The following DBT variants were observed in gnomAD, a reference collection of about 807,000 sequenced individuals.
The protein encoded by DBT is dihydrolipoamide branched chain transacylase E2, also known as lipoamide acyltransferase component of branched-chain alpha-keto acid dehydrogenase complex, mitochondrial.
A neutral mutation model predicts 51.3 loss-of-function variants in DBT; 40 were observed. The ratio of observed to expected loss-of-function variants is 0.78; its 90% confidence interval spans 0.61 to 1.02. The LOEUF is 1.02. Among genes scored for constraint, DBT ranks in the 50% least tolerant of loss-of-function variants. The pLI is 0.00. For missense variants in DBT, 510 were observed against 580.2 expected, an observed-to-expected ratio of 0.88 and a Z score of 1.24; for synonymous variants, 181 against 190.4, an observed-to-expected ratio of 0.95 and a Z score of 0.41.
At chr1:100,230,706 T>C (rs748871032) in intron 4 of DBT, 27 bp downstream of exon 4, 6 of 1,496,414 alleles carry the variant, frequency 4.0e-6, no homozygotes, top group Non-Finnish European at 5.5e-6. Context: ...ATCAATTTGG[T>C]AAAATAGATT....
chr1:100,241,679 G>A (rs949731496), intron 1 of DBT, among the ~76,000 whole-genome samples: 7 of 152,094 alleles, frequency 4.6e-5, no homozygotes, highest in Non-Finnish European at 1.0e-4. Context: ...TTACAGGTGC[G>A]AGCCACCATG....
intron 4 of DBT, among the ~76,000 whole-genome samples, chr1:100,229,190 T>C: frequency 6.6e-6 from 1 of 150,844 alleles, no homozygotes; most frequent in African/African-American, 2.4e-5. Flanking sequence ...TTTTAAGAGA[T>C]GGAGTCTTGC....
chr1:100,192,745 C>T lies in DBT; in HGVS notation c.*3510G>A, dbSNP rs1660868101. 6.6e-6 allele frequency: 1 copy of T among 152,198 alleles called. No homozygotes were observed. Among genetic ancestry groups the T allele is most frequent in the Non-Finnish European group, 1.5e-5 (1 of 68,046 alleles). The allele number at this position is 152,198 out of a possible 1,614,324, so 9.4% of individuals were successfully genotyped here. A position where few individuals can be genotyped will look rare whatever the true frequency, so the allele number is the denominator to read the frequency against. On this transcript the variant is annotated 3_prime_UTR_variant, in exon 11 of 11. Coordinates refer to ENST00000370132, the MANE Select transcript of DBT (RefSeq NM_001918.5). ...ATTTTAGCTTCCATCCTCAGACTTC[C>T]TTTCCTGTTGTACTTCCTTTTCAAA...
In DBT at chr1:100,249,195, G is replaced by A. The variant is rs969111409; in HGVS notation, c.51+575C>T. The stretch of plus-strand genomic sequence containing the variant: ...GGTGCTAAGACTGGGAGAAAGAGAA[G>A]GAAGTGCAGGGGAGATGGTGATGGG... On this transcript the variant is annotated intron_variant, in intron 1 of 10. Transcript: ENST00000370132. 8.6e-6 allele frequency: 5 copies of A among 584,722 alleles called. No homozygotes were observed. In the African/African-American group the frequency reaches 1.0e-4, roughly 12 times the overall value. 36.2% of individuals were successfully genotyped at this position (584,722 alleles called of 1,614,324 possible).
chr1:100,199,290 C>T (rs1037739206), intron 10 of DBT, among the ~76,000 whole-genome samples: 4 of 152,130 alleles, frequency 2.6e-5, no homozygotes, highest in Non-Finnish European at 5.9e-5. Flanking sequence ...GTAAAGAAAT[C>T]TGCGCTTTTA....
chr1:100,242,780 T>C (rs1003764519), intron 1 of DBT, among the ~76,000 whole-genome samples: 1 of 152,158 alleles, frequency 6.6e-6, no homozygotes, highest in Non-Finnish European at 1.5e-5. Flanking sequence ...TAAAGGAAAG[T>C]TTTGAAGTAT....
chr1:100,247,697 CAAA>C (rs59843533), intron 1 of DBT, among the ~76,000 whole-genome samples: 3 of 107,878 alleles, frequency 2.8e-5, no homozygotes, highest in African/African-American at 6.8e-5. Context: ...AGACTCTTCT[CAAA>C]AAAAAAAAAA....
intron 4 of DBT, among the ~76,000 whole-genome samples, chr1:100,224,751 T>C (rs917696841): frequency 6.6e-6 from 1 of 151,980 alleles, no homozygotes; most frequent in Admixed American, 6.6e-5. Flanking sequence ...GCATGGTAGC[T>C]CACGCCTGTA....
Position 100,223,835 on chromosome 1 carries a change from A to AAAT in DBT, c.434-5089_434-5088insATT, listed in dbSNP as rs1324773965. ...GCTTTGATATAATGGTGATAATGTTAAGTAAAAAAAAAAATTAAGTAACTG... is the reference window on the plus strand; with the variant it reads ...GCTTTGATATAATGGTGATAATGTTAAATAGTAAAAAAAAAAATTAAGTAACTG... On this transcript the variant is annotated intron_variant, in intron 4 of 10. Transcript: ENST00000370132. Among the ~76,000 whole-genome samples, 5 of 152,156 alleles carry AAAT rather than the reference A, an allele frequency of 3.3e-5. No homozygotes were observed. The South Asian group carries it at 8.3e-4, about 25-fold the overall frequency.
At chr1:100,238,814 G>C (rs1664051287) in intron 2 of DBT, among the ~76,000 whole-genome samples, 1 of 152,166 alleles carries the variant, frequency 6.6e-6, no homozygotes, top group African/African-American at 2.4e-5. Flanking sequence ...GTTGGTGAGA[G>C]ATGTGAGCTA....
intron 8 of DBT, 101 bp downstream of exon 8, chr1:100,210,593 A>G: frequency 6.6e-7 from 1 of 1,526,670 alleles, no homozygotes; most frequent in Non-Finnish European, 8.9e-7. Flanking sequence ...TCTAGTCTAA[A>G]AAAGATCACT....
intron 10 of DBT, among the ~76,000 whole-genome samples, chr1:100,198,915 C>A (rs1387319195): frequency 3.3e-5 from 5 of 152,084 alleles, no homozygotes; most frequent in Admixed American, 1.3e-4. Flanking sequence ...AACATGGAAG[C>A]ATTATAAGTG....
chr1:100,215,051 T>TTA, intron 6 of DBT, 68 bp from the exon 7 acceptor site: 3 of 1,129,642 alleles, frequency 2.7e-6, no homozygotes, highest in East Asian at 2.6e-5. Context: ...TTTTTTTTTT[T>TTA]AAAGAAACTA....
Position 100,214,816 on chromosome 1 carries a change from C to T in DBT, c.939+1G>A. 2 of 1,613,858 alleles carry T rather than the reference C, an allele frequency of 1.2e-6. No homozygotes were observed. The highest frequency in any genetic ancestry group is 1.6e-4 in the Middle Eastern group (1 of 6,062). ...CCTTGTTTGAAATGAATGAATCTCA[C>T]CTTTAAGAAGAAAGGCATAAAGGAG... On this transcript the variant is annotated splice_donor_variant, in intron 7 of 10. Transcript: ENST00000370132. LOFTEE classifies it high-confidence loss of function.
At chr1:100,240,946 G>A in intron 1 of DBT, 62 bp from the exon 2 acceptor site, 1 of 1,486,546 alleles carries the variant, frequency 6.7e-7, no homozygotes, top group South Asian at 1.2e-5. Flanking sequence ...TTATCTCTAA[G>A]TATAAATTGA....
chr1:100,204,778 C>T (rs1334746891), intron 10 of DBT, among the ~76,000 whole-genome samples: 1 of 152,106 alleles, frequency 6.6e-6, no homozygotes, highest in Admixed American at 6.6e-5. Context: ...TGGAACCGCA[C>T]AGGGGCCTCA....
intron 4 of DBT, among the ~76,000 whole-genome samples, chr1:100,224,997 G>A (rs1172445101): frequency 1.6e-5 from 2 of 121,646 alleles, no homozygotes; most frequent in Admixed American, 1.1e-4. Context: ...CCAGCCTGGC[G>A]ACAGAGTGAG....
intron 1 of DBT, among the ~76,000 whole-genome samples, chr1:100,243,939 C>CG (rs1049856791): frequency 1.7e-4 from 9 of 53,738 alleles, no homozygotes; most frequent in East Asian, 7.6e-4. Flanking sequence ...CATAGGTTTA[C>CG]GAAAAAAAAA....
At chr1:100,245,900 C>T (rs1223031799) in intron 1 of DBT, among the ~76,000 whole-genome samples, 10 of 151,950 alleles carry the variant, frequency 6.6e-5, no homozygotes, top group Non-Finnish European at 1.5e-5. Flanking sequence ...TGCAGTGAGC[C>T]AAGATCATGC....
Sources: allele counts gnomAD v4.1 joint callset (sites outside exome capture counted in the v4.1 genomes callset), GRCh38; gene constraint gnomAD v4.1.1; transcripts MANE v1.5; gene names NCBI Gene and HGNC (gene_info 2026-07-23, HGNC 2026-07-21).